ZC3H7B: variants seen among roughly 807,000 people sequenced by gnomAD.
ZC3H7B encodes the protein zinc finger CCCH-type containing 7B.
Under a neutral mutation model 116.0 loss-of-function variants are expected in ZC3H7B, and 35 were observed. That is an observed-to-expected ratio of 0.30 (90% CI 0.23 to 0.40). The LOEUF (loss-of-function observed/expected upper bound fraction) is 0.40, where lower values mean the gene tolerates loss of function less well. ZC3H7B is among the 10% of genes least tolerant of loss of function. ZC3H7B has a pLI of 1.00. For synonymous variants in ZC3H7B, 502 were observed against 545.6 expected, an observed-to-expected ratio of 0.92 and a Z score of 1.11; for missense variants, 1,011 against 1,321.5, an observed-to-expected ratio of 0.77 and a Z score of 3.64.
At chr22:41,354,827 G>T (rs1423624929) in intron 17 of ZC3H7B, among the ~76,000 whole-genome samples, 1 of 152,170 alleles carries the variant, frequency 6.6e-6, no homozygotes, top group Non-Finnish European at 1.5e-5. Flanking sequence ...TTAGAGACCA[G>T]CAAGGCCTTG....
rs183122523 is a variant in ZC3H7B at position 41,320,452 on chromosome 22, C to G, written c.-6-203C>G. ...GCCCCCTTGTCCCTTGAGGGTACCA[C>G]ACAATCTAGGAGTCCAGGGGGCCAT... is the stretch of plus-strand genomic sequence containing the variant. On this transcript the variant is annotated intron_variant, in intron 1 of 22. Coordinates refer to ENST00000352645, the MANE Select transcript of ZC3H7B (RefSeq NM_017590.6). Among the ~76,000 whole-genome samples, 136 of 151,926 alleles carry G rather than the reference C, an allele frequency of 9.0e-4. 2 individuals are homozygous for G. The highest frequency in any genetic ancestry group is 2.1e-3 in the East Asian group (11 of 5,144).
rs995408811 is a variant in ZC3H7B, at chr22:41,346,492, T to C, written c.1665+284T>C. 4.0e-4 allele frequency among the ~76,000 whole-genome samples: 61 copies of C among 152,228 alleles called. No homozygotes were observed. The highest frequency in any genetic ancestry group is 3.3e-4 in the Admixed American group (5 of 15,282). ...CCTGCTCTTTTCTGACAGCCAGTCA[T>C]AGGCAGGGCTTGGCACGTGGTTGTT... On this transcript the variant is annotated intron_variant, in intron 14 of 22. Transcript: ENST00000352645. The surrounding 1 kb of genome is among the most constrained non-coding windows in gnomAD (Gnocchi z 5.3).
intron 17 of ZC3H7B, among the ~76,000 whole-genome samples, chr22:41,352,331 G>T (rs748563804): frequency 6.6e-6 from 1 of 152,208 alleles, no homozygotes; most frequent in African/African-American, 2.4e-5. Flanking sequence ...CTTCACTGGT[G>T]ACAATCTAAT....
At chr22:41,326,075 C>T (rs1435761463) in intron 4 of ZC3H7B, among the ~76,000 whole-genome samples, 157 bp downstream of exon 4, 2 of 152,212 alleles carry the variant, frequency 1.3e-5, no homozygotes, top group Non-Finnish European at 2.9e-5. Flanking sequence ...GGCTCTTAAT[C>T]TCAACTGTAC....
At position 41,338,218 on chromosome 22, in the gene ZC3H7B, G is replaced by A; in HGVS notation, c.583-95G>A. On this transcript the variant is annotated intron_variant, in intron 7 of 22. Transcript: ENST00000352645. The surrounding 1 kb of genome is among the most constrained non-coding windows in gnomAD (Gnocchi z 4.5). ...GGCACTCTAAGTGCTCCTCGGTGCT[G>A]GGTCAACAGCATAGTCACGTGGGGA... 1 of 1,354,794 alleles carries A rather than the reference G, an allele frequency of 7.4e-7. No homozygotes were observed. The highest frequency in any genetic ancestry group is 1.0e-6 in the Non-Finnish European group (1 of 974,948). 83.9% of individuals were successfully genotyped at this position (1,354,794 alleles called of 1,614,324 possible).
chr22:41,353,783 G>GT (rs2036681427), intron 17 of ZC3H7B, among the ~76,000 whole-genome samples: 1 of 152,220 alleles, frequency 6.6e-6, no homozygotes, highest in African/African-American at 2.4e-5. Flanking sequence ...TGACTTCTTT[G>GT]TTCCTGGTCC....
chr22:41,351,326 C>A lies in ZC3H7B; in HGVS notation c.1949-235C>A, dbSNP rs2036651482. Reference sequence around the variant, plus strand: ...AGCCAATATCTTTCTACTGCATTTTCCCACTCTTGGCTGCATTTAATTCTT... The same window carrying A: ...AGCCAATATCTTTCTACTGCATTTTACCACTCTTGGCTGCATTTAATTCTT... On this transcript the variant is annotated intron_variant, in intron 16 of 22. Transcript: ENST00000352645. This position sits in a 1 kb window ranked among gnomAD's most constrained non-coding sequence, Gnocchi z 5.1. 6.6e-6 allele frequency among the ~76,000 whole-genome samples: 1 copy of A among 152,192 alleles called. No individual in the cohort carries two copies. The highest frequency in any genetic ancestry group is 2.4e-5 in the African/African-American group (1 of 41,442).
chr22:41,321,056 G>A (rs566768789), intron 2 of ZC3H7B, among the ~76,000 whole-genome samples: 2 of 152,136 alleles, frequency 1.3e-5, no homozygotes, highest in African/African-American at 4.8e-5. Flanking sequence ...CTCAGTCTCC[G>A]TGCTGGGACC....
chr22:41,348,198 C>G (rs757263790), intron 15 of ZC3H7B, 31 bp downstream of exon 15: 25 of 1,590,658 alleles, frequency 1.6e-5, no homozygotes, highest in Non-Finnish European at 2.1e-5. Flanking sequence ...AGGCTGAGGC[C>G]TAGGGGCCAG....
At position 41,322,792 on chromosome 22, in the gene ZC3H7B, C is replaced by T. The variant is rs867492582; in HGVS notation, c.53+2079C>T. Among the ~76,000 whole-genome samples, 39 of 152,274 alleles carry T rather than the reference C, an allele frequency of 2.6e-4. No homozygotes were observed. The Middle Eastern group carries it at 0.01, about 40-fold the overall frequency. On this transcript the variant is annotated intron_variant, in intron 2 of 22. Transcript: ENST00000352645. Reference sequence around the variant, plus strand: ...TGTTCTCTCACACAGACCAGTAAAACACTCTTTGCCTTTTCTTTTCTTTGT... The same window carrying T: ...TGTTCTCTCACACAGACCAGTAAAATACTCTTTGCCTTTTCTTTTCTTTGT...
intron 10 of ZC3H7B, 62 bp downstream of exon 10, chr22:41,340,199 T>C (rs2036503616): frequency 6.7e-7 from 1 of 1,497,496 alleles, no homozygotes; most frequent in Admixed American, 2.0e-5. Context: ...TGTGGCCTCT[T>C]TGGTGCCTGG....
Position 41,351,592 on chromosome 22 carries a change from T to A in ZC3H7B, c.1980T>A (p.Ser660=), listed in dbSNP as rs767326738. 2.5e-6 allele frequency: 4 copies of A among 1,613,970 alleles called. No homozygotes were observed. Among genetic ancestry groups the A allele is most frequent in the Non-Finnish European group, 2.5e-6 (3 of 1,179,968 alleles). The change falls in exon 17 of 23, where the codon TCT becomes TCA. Residue 660 remains serine (S), a synonymous_variant. Coordinates refer to ENST00000352645, the MANE Select transcript of ZC3H7B (RefSeq NM_017590.6). This position sits in a 1 kb window ranked among gnomAD's most constrained non-coding sequence, Gnocchi z 5.1. ...GMTHEDIVQE[S]KKYWQQMEAH... The stretch of plus-strand genomic sequence containing the variant: ...CCCACGAAGACATCGTTCAGGAGTC[T>A]AAGAAGTACTGGCAGCAGATGGAGG...
chr22:41,351,492 G>A lies in ZC3H7B; in HGVS notation c.1949-69G>A, dbSNP rs138758048. 2.6e-3 allele frequency: 3,772 copies of A among 1,447,438 alleles called. 36 individuals carry two copies. In the African/African-American group the frequency reaches 0.026, roughly 10 times the overall value. 89.7% of individuals were successfully genotyped at this position (1,447,438 alleles called of 1,614,324 possible). On this transcript the variant is annotated intron_variant, in intron 16 of 22. Transcript: ENST00000352645. This position sits in a 1 kb window ranked among gnomAD's most constrained non-coding sequence, Gnocchi z 5.1. ...GGGCCTCGGGGGTCCCTGGCACCTC[G>A]TGGACCCCCTGCCTCCCTCCTTGCT...
chr22:41,330,921 T>C (rs1291464987), intron 6 of ZC3H7B, among the ~76,000 whole-genome samples: 3 of 138,674 alleles, frequency 2.2e-5, no homozygotes, highest in Non-Finnish European at 4.6e-5. Flanking sequence ...AGTGCTGGAG[T>C]GCAGTGGCGC....
At position 41,346,797 on chromosome 22, in the gene ZC3H7B, C is replaced by CAA; in HGVS notation, c.1665+597_1665+598dup. 6.6e-6 allele frequency among the ~76,000 whole-genome samples: 1 copy of CAA among 150,662 alleles called. No homozygotes were observed. The highest frequency in any genetic ancestry group is 2.4e-5 in the African/African-American group (1 of 40,968). On this transcript the variant is annotated intron_variant, in intron 14 of 22. Transcript: ENST00000352645. This position sits in a 1 kb window ranked among gnomAD's most constrained non-coding sequence, Gnocchi z 5.3. Reference sequence around the variant, plus strand: ...CGCAACTGCACTAGAGACTCCATCTCAAAAAAAAATTAAAAATTAGCTGGG... The same window carrying CAA: ...CGCAACTGCACTAGAGACTCCATCTCAAAAAAAAAAATTAAAAATTAGCTGGG...
chr22:41,352,654 C>A (rs1352804404), intron 17 of ZC3H7B, among the ~76,000 whole-genome samples: 3 of 147,532 alleles, frequency 2.0e-5, no homozygotes, highest in Non-Finnish European at 3.0e-5. Flanking sequence ...CCCAGCTACT[C>A]GGGAGGCTGA....
chr22:41,340,153 G>T lies in ZC3H7B; in HGVS notation c.1138+16G>T. The T allele has an allele frequency of 6.3e-7, 1 of 1,582,492 alleles. No homozygotes were observed. On this transcript the variant is annotated intron_variant, in intron 10 of 22. Coordinates refer to ENST00000352645, the MANE Select transcript of ZC3H7B (RefSeq NM_017590.6). ...TCCTTCATGGGTAAGGCCATGGGTG[G>T]GCCCGTTCAACCTCCCTGGACAGGT...
chr22:41,338,866 A>T lies in ZC3H7B; in HGVS notation c.626-135A>T. On this transcript the variant is annotated intron_variant, in intron 8 of 22. Transcript: ENST00000352645. This position sits in a 1 kb window ranked among gnomAD's most constrained non-coding sequence, Gnocchi z 4.5. ...GAGCATCTGCCAGTGGGATCAGCCG[A>T]TGGGGAAGGCAGGGCTCCTGGCAAG... The T allele has an allele frequency of 9.6e-7, 1 of 1,036,926 alleles. No individual in the cohort carries two copies. The highest frequency in any genetic ancestry group is 1.4e-6 in the Non-Finnish European group (1 of 729,810). 64.2% of individuals were successfully genotyped at this position (1,036,926 alleles called of 1,614,324 possible).
Position 41,309,336 on chromosome 22 carries a change from CAG to C in ZC3H7B, c.-7+7567_-7+7568del, listed in dbSNP as rs1290621401. Among the ~76,000 whole-genome samples, 4 of 149,218 alleles carry C rather than the reference CAG, an allele frequency of 2.7e-5. No homozygotes were observed. In the East Asian group the frequency reaches 7.9e-4, roughly 30 times the overall value. ...GCTTTCTTTTTTTCTTTTTTTGAGA[CAG>C]AGTCTCGCTCTGTCGTCCAGGCTGG... On this transcript the variant is annotated intron_variant, in intron 1 of 22. Coordinates refer to ENST00000352645, the MANE Select transcript of ZC3H7B (RefSeq NM_017590.6).
Sources: allele counts gnomAD v4.1 joint callset (sites outside exome capture counted in the v4.1 genomes callset), GRCh38; gene constraint gnomAD v4.1.1; non-coding constraint Gnocchi (gnomAD v3.1); transcripts MANE v1.5; gene names NCBI Gene and HGNC (gene_info 2026-07-23, HGNC 2026-07-21).